IFT140: variants seen among roughly 807,000 people sequenced by gnomAD.
IFT140 encodes the protein intraflagellar transport protein 140 homolog.
Under a neutral mutation model 164.6 loss-of-function variants are expected in IFT140, and 133 were observed. The observed-to-expected ratio is 0.81, with a 90% CI of 0.70 to 0.93. The LOEUF (loss-of-function observed/expected upper bound fraction) is 0.93. Among genes scored for constraint, IFT140 ranks in the 40% least tolerant of loss-of-function variants. IFT140 has a pLI of 0.00. For synonymous variants in IFT140, 860 were observed against 817.3 expected, an observed-to-expected ratio of 1.05 and a Z score of -0.89; for missense variants, 2,045 against 1,972.3, an observed-to-expected ratio of 1.04 and a Z score of -0.70.
At chr16:1,527,745 G>C (rs528435419) in intron 19 of IFT140, among the ~76,000 whole-genome samples, 201 of 152,230 alleles carry the variant, frequency 1.3e-3, no homozygotes, top group African/African-American at 4.5e-3. Flanking sequence ...CTAAGTTTTT[G>C]TATTTTTTGT....
intron 4 of IFT140, among the ~76,000 whole-genome samples, chr16:1,594,496 C>T (rs1329199582): frequency 1.3e-5 from 2 of 152,168 alleles, no homozygotes; most frequent in East Asian, 1.9e-4. Flanking sequence ...GCTAGGATTA[C>T]GGGTGTGAGC....
chr16:1,600,979 C>A (rs140461535), intron 4 of IFT140, among the ~76,000 whole-genome samples: 215 of 151,878 alleles, frequency 1.4e-3, no homozygotes, highest in African/African-American at 4.9e-3. Flanking sequence ...TTAAAAAAAA[C>A]TAGCCAGACG....
intron 19 of IFT140, chr16:1,534,363 T>C: frequency 6.2e-7 from 1 of 1,612,816 alleles, no homozygotes; most frequent in Non-Finnish European, 8.5e-7. Context: ...CACCTCCAAC[T>C]GGGTGTGCCA....
Position 1,587,931 on chromosome 16 carries a change from A to C in IFT140, c.902+2T>G. On this transcript the variant is annotated splice_donor_variant, in intron 8 of 30. Coordinates refer to ENST00000426508, the MANE Select transcript of IFT140 (RefSeq NM_014714.4). LOFTEE classifies it high-confidence loss of function. ...AGGGGCACTGGAAAGGCAGACTCTC[A>C]CCTGAGGGCAGCCTCCCCGACGGCC... 6.2e-7 allele frequency: 1 copy of C among 1,608,306 alleles called. No homozygotes were observed. Among genetic ancestry groups the C allele is most frequent in the East Asian group, 2.2e-5 (1 of 44,816 alleles).
At chr16:1,561,924 G>T in intron 18 of IFT140, 61 bp downstream of exon 18, 3 of 1,462,872 alleles carry the variant, frequency 2.1e-6, no homozygotes, top group Non-Finnish European at 1.8e-6. Context: ...ACGCTTGCAA[G>T]AGCCCAGCCA....
At chr16:1,539,322 C>A (rs150515023) in intron 19 of IFT140, among the ~76,000 whole-genome samples, 207 of 150,462 alleles carry the variant, frequency 1.4e-3, no homozygotes, top group African/African-American at 4.8e-3. Flanking sequence ...CCTTGGGCCT[C>A]AGCAAGCCAC....
chr16:1,516,839 A>AACTGGTAGAAAAAGTTG (rs1156335880), intron 30 of IFT140, among the ~76,000 whole-genome samples: 1 of 152,078 alleles, frequency 6.6e-6, no homozygotes, highest in African/African-American at 2.4e-5. Flanking sequence ...CAATAATAAA[A>AACTGGTAGAAAAAGTTG]ACTGGTAGAA....
At position 1,518,293 on chromosome 16, in the gene IFT140, G is replaced by A. The variant is rs772668178; in HGVS notation, c.4105C>T (p.Leu1369=). The A allele has an allele frequency of 1.2e-6, 2 of 1,614,134 alleles. No homozygotes were observed. The highest frequency in any genetic ancestry group is 1.1e-5 in the South Asian group (1 of 91,090). ...TCCCCGATGCGGATGGTGCTGTCCA[G>A]GTCTGGTTCCTCCAGGAGCAGCTCA... is the stretch of plus-strand genomic sequence containing the variant. ...QCELLLEEPD[L]DSTIRIGDVY... is the part of the protein sequence containing the mutation. The change falls in exon 30 of 31, where the codon CTG becomes TTG. Residue 1369 remains leucine (L), a synonymous_variant. Transcript: ENST00000426508.
chr16:1,552,449 C>A (rs1006967710), intron 19 of IFT140, among the ~76,000 whole-genome samples: 5 of 152,246 alleles, frequency 3.3e-5, no homozygotes, highest in South Asian at 4.1e-4. Context: ...CCACACCCCA[C>A]CGGCAGAAAG....
intron 13 of IFT140, among the ~76,000 whole-genome samples, chr16:1,571,961 T>G (rs565530813): frequency 6.6e-6 from 1 of 152,280 alleles, no homozygotes; most frequent in East Asian, 1.9e-4. Flanking sequence ...GTGGAGGCCC[T>G]GTCATGTGAA....
chr16:1,607,684 C>T (rs935943273), intron 2 of IFT140, among the ~76,000 whole-genome samples: 1 of 152,230 alleles, frequency 6.6e-6, no homozygotes, highest in African/African-American at 2.4e-5. Flanking sequence ...TGCTCTGTCA[C>T]CCAGGCTGGA....
In IFT140 at chr16:1,511,182, TC is replaced by T. The variant is rs756809636; in HGVS notation, c.4183-33del. 3.8e-6 allele frequency: 6 copies of T among 1,570,878 alleles called. No homozygotes were observed. In the African/African-American group the frequency reaches 8.0e-5, roughly 21 times the overall value. On this transcript the variant is annotated intron_variant, in intron 30 of 30. Coordinates refer to ENST00000426508, the MANE Select transcript of IFT140 (RefSeq NM_014714.4). ...CAGAGGAGCAGACATTACTCAGCTT[TC>T]CTGAACAACCAGGCACGACCCTCTG... is the stretch of plus-strand genomic sequence containing the variant.
chr16:1,528,014 C>A (rs2029905420), intron 19 of IFT140, among the ~76,000 whole-genome samples: 1 of 152,208 alleles, frequency 6.6e-6, no homozygotes, highest in African/African-American at 2.4e-5. Context: ...CATGACGCTG[C>A]ATGAGAACCG....
intron 4 of IFT140, among the ~76,000 whole-genome samples, chr16:1,596,381 A>G (rs900733214): frequency 6.6e-6 from 1 of 152,134 alleles, no homozygotes; most frequent in Non-Finnish European, 1.5e-5. Context: ...AGAAATCTTT[A>G]TTAGCACATA....
rs564146782 is a variant in IFT140 at position 1,597,378 on chromosome 16, G to A, written c.370-4790C>T. Among the ~76,000 whole-genome samples, 55 of 152,334 alleles carry A rather than the reference G, an allele frequency of 3.6e-4. 1 individual carries two copies. In the South Asian group the frequency reaches 0.011, roughly 29 times the overall value. Reference sequence around the variant, plus strand: ...GAGCTGGACTTTGAGGCCCCTCCCTGAGTCTGGACTTGGGACAGGGAGCAG... The same window carrying A: ...GAGCTGGACTTTGAGGCCCCTCCCTAAGTCTGGACTTGGGACAGGGAGCAG... On this transcript the variant is annotated intron_variant, in intron 4 of 30. Coordinates refer to ENST00000426508, the MANE Select transcript of IFT140 (RefSeq NM_014714.4).
intron 15 of IFT140, 44 bp from the exon 16 acceptor site, chr16:1,566,335 C>G (rs1194978477): frequency 1.2e-6 from 2 of 1,606,326 alleles, no homozygotes; most frequent in Non-Finnish European, 1.7e-6. Context: ...CCTGCCCAGA[C>G]CAGCGGGTTG....
At chr16:1,546,851 G>A (rs182787986) in intron 19 of IFT140, among the ~76,000 whole-genome samples, 60 of 152,334 alleles carry the variant, frequency 3.9e-4, no homozygotes, top group Admixed American at 3.0e-3. Flanking sequence ...TCTTCAATGG[G>A]CAACTCCTCA....
At chr16:1,566,862 G>A (rs918874585) in intron 15 of IFT140, among the ~76,000 whole-genome samples, 1 of 152,046 alleles carries the variant, frequency 6.6e-6, no homozygotes, top group African/African-American at 2.4e-5. Context: ...CCACCTCCCT[G>A]GCGGCACCTG....
At position 1,553,837 on chromosome 16, in the gene IFT140, C is replaced by A; in HGVS notation, c.2399+4098G>T. 8.2e-7 allele frequency: 1 copy of A among 1,212,228 alleles called. No individual in the cohort carries two copies. Among genetic ancestry groups the A allele is most frequent in the Non-Finnish European group, 1.1e-6 (1 of 951,938 alleles). The allele number at this position is 1,212,228 out of a possible 1,614,324, so 75.1% of individuals were successfully genotyped here. Reference sequence around the variant, plus strand: ...ATTAGGACGCCCGGCTCCATCGCTGCGGCCACAGTGTCCTGTTATCCTAGT... The same window carrying A: ...ATTAGGACGCCCGGCTCCATCGCTGAGGCCACAGTGTCCTGTTATCCTAGT... On this transcript the variant is annotated intron_variant, in intron 19 of 30. Coordinates refer to ENST00000426508, the MANE Select transcript of IFT140 (RefSeq NM_014714.4). The surrounding 1 kb of genome is among the most constrained non-coding windows in gnomAD (Gnocchi z 4.4).
Sources: allele counts gnomAD v4.1 joint callset (sites outside exome capture counted in the v4.1 genomes callset), GRCh38; gene constraint gnomAD v4.1.1; non-coding constraint Gnocchi (gnomAD v3.1); transcripts MANE v1.5; gene names NCBI Gene and HGNC (gene_info 2026-07-23, HGNC 2026-07-21).